Variants in RRBP1 observed in about 807,000 individuals in gnomAD.
RRBP1 encodes ribosome binding protein 1, also known as ribosome-binding protein 1.
A neutral mutation model predicts 165.2 loss-of-function variants in RRBP1; 94 were observed. The observed-to-expected ratio is 0.57, with a 90% CI of 0.48 to 0.68. The LOEUF is 0.68. Ranked by LOEUF, RRBP1 falls within the 30% of genes least tolerant of loss-of-function variation. RRBP1 has a pLI of 0.00. For missense variants in RRBP1, 1,676 were observed against 1,763.0 expected, an observed-to-expected ratio of 0.95 and a Z score of 0.88; for synonymous variants, 680 against 714.5, an observed-to-expected ratio of 0.95 and a Z score of 0.77.
chr20:17,676,100 C>G (rs1285611668), intron 2 of RRBP1, among the ~76,000 whole-genome samples: 1 of 152,074 alleles, frequency 6.6e-6, no homozygotes, highest in Non-Finnish European at 1.5e-5. Flanking sequence ...TACCAGCTAC[C>G]CAGGAGGCTG....
chr20:17,635,081 T>C (rs2036223228), intron 7 of RRBP1, among the ~76,000 whole-genome samples: 1 of 151,978 alleles, frequency 6.6e-6, no homozygotes, highest in Non-Finnish European at 1.5e-5. Flanking sequence ...GACACTGCAG[T>C]GGGTTTCTCG....
intron 15 of RRBP1, 51 bp downstream of exon 15, chr20:17,621,639 C>A: frequency 6.2e-7 from 1 of 1,601,218 alleles, no homozygotes; most frequent in South Asian, 1.1e-5. Flanking sequence ...GCCCCTCTTC[C>A]TGGGGACAGG....
chr20:17,675,798 C>T (rs1051102514), intron 2 of RRBP1, among the ~76,000 whole-genome samples: 3 of 152,130 alleles, frequency 2.0e-5, no homozygotes, highest in Non-Finnish European at 2.9e-5. Flanking sequence ...GAGACCTTGA[C>T]CAAGGAGGGT....
intron 7 of RRBP1, 30 bp downstream of exon 7, chr20:17,635,516 G>A (rs1469187011): frequency 2.0e-6 from 3 of 1,522,624 alleles, no homozygotes; most frequent in Non-Finnish European, 2.7e-6. Flanking sequence ...GGCCCTTGGG[G>A]AGGTGCTGAG....
At chr20:17,626,587 C>T (rs1249381355) in intron 11 of RRBP1, among the ~76,000 whole-genome samples, 6 of 152,144 alleles carry the variant, frequency 3.9e-5, no homozygotes, top group South Asian at 2.1e-4. Flanking sequence ...TGACCGTGTG[C>T]GAGGGAATGC....
chr20:17,659,125 C>G lies in RRBP1; in HGVS notation c.1383G>C (p.Lys461Asn), dbSNP rs749602135. ...TGCCCTGGTTCTGAGCACCCTCGGC[C>G]TTCTTGCCCTGGTTCTGGGCCCCCT... ...KAEGAQNQGK[K>N]AEGAQNQGKK... Residue 461 changes from lysine to asparagine, a missense_variant, in exon 3 of 25, where the codon AAG becomes AAC. Physicochemically the swap from Lys to Asn is moderately conservative, Grantham distance 94. Around this residue, in one of 5 missense-constraint regions of RRBP1, gnomAD observed 18 missense variants for 38.8 expected, o/e 0.46. Coordinates refer to ENST00000377813, the MANE Select transcript of RRBP1 (RefSeq NM_001365613.2). 9 of 1,548,402 alleles carry G rather than the reference C, an allele frequency of 5.8e-6. No homozygotes were observed. Among genetic ancestry groups the G allele is most frequent in the African/African-American group, 1.4e-5 (1 of 72,538 alleles).
At chr20:17,663,890 T>C (rs950997799) in intron 2 of RRBP1, among the ~76,000 whole-genome samples, 16 of 152,210 alleles carry the variant, frequency 1.1e-4, no homozygotes, top group Admixed American at 1.3e-4. Context: ...CAGGGATCTA[T>C]ATTCTGTCAA....
chr20:17,679,431 T>C (rs1316047464), intron 2 of RRBP1, among the ~76,000 whole-genome samples: 1 of 152,228 alleles, frequency 6.6e-6, no homozygotes, highest in East Asian at 1.9e-4. Context: ...ACCATTATTT[T>C]TGTTTCTCCT....
At position 17,631,505 on chromosome 20, in the gene RRBP1, G is replaced by A. The variant is rs56721050; in HGVS notation, c.2611-1544C>T. ...ACGGGCCTCCATCTTAAGACCTCAG[G>A]TGACAACTGTCTTTGCCTTGAAGAG... On this transcript the variant is annotated intron_variant, in intron 8 of 24. Transcript: ENST00000377813. Among the ~76,000 whole-genome samples, 358 of 152,364 alleles carry A rather than the reference G, an allele frequency of 2.3e-3. 1 individual carries two copies. Among genetic ancestry groups the A allele is most frequent in the African/African-American group, 7.8e-3 (326 of 41,588 alleles).
At chr20:17,679,052 A>G (rs534621698) in intron 2 of RRBP1, among the ~76,000 whole-genome samples, 1 of 152,174 alleles carries the variant, frequency 6.6e-6, no homozygotes, top group Non-Finnish European at 1.5e-5. Flanking sequence ...GAACATTTGG[A>G]AGGCCGGGCC....
Position 17,641,829 on chromosome 20 carries a change from C to T in RRBP1, c.2152G>A (p.Val718Ile). The T allele has an allele frequency of 6.2e-7, 1 of 1,613,782 alleles. No homozygotes were observed. Among genetic ancestry groups the T allele is most frequent in the Non-Finnish European group, 8.5e-7 (1 of 1,180,018 alleles). ...AGCTCCCTCAGTTTGCTCTTGGCGA[C>T]AGCCGCATCTTCCTGTTCTGTGGCC... ...LLATEQEDAA[V>I]AKSKLRELNK... is the part of the protein sequence containing the mutation. Residue 718 changes from valine to isoleucine, a missense_variant, in exon 5 of 25, where the codon GTC (valine) becomes ATC (isoleucine). Val to Ile is a conservative substitution (Grantham distance 29). Coordinates refer to ENST00000377813, the MANE Select transcript of RRBP1 (RefSeq NM_001365613.2).
intron 3 of RRBP1, among the ~76,000 whole-genome samples, chr20:17,649,692 G>C (rs1383757854): frequency 1.3e-5 from 2 of 152,092 alleles, no homozygotes; most frequent in Admixed American, 1.3e-4. Context: ...CGTTTCCTGG[G>C]GGCTTGACAA....
rs756978001 is a variant in RRBP1, at chr20:17,643,095, G to A, written c.1945C>T (p.Pro649Ser). 1 of 1,614,106 alleles carries A rather than the reference G, an allele frequency of 6.2e-7. No individual in the cohort carries two copies. The highest frequency in any genetic ancestry group is 8.5e-7 in the Non-Finnish European group (1 of 1,180,020). Reference sequence around the variant, plus strand: ...ACCGTGGAGACCAGCGTCTTGTAGGGGAGGTAGAGAGGGCCGTCGGCATCT... The same window carrying A: ...ACCGTGGAGACCAGCGTCTTGTAGGAGAGGTAGAGAGGGCCGTCGGCATCT... ...PPDADGPLYLPYKTLVSTVGS... is the reference protein window; with the variant it reads ...PPDADGPLYLSYKTLVSTVGS... The change falls in exon 4 of 25, where the codon CCC becomes TCC. Residue 649 changes from proline to serine, a missense_variant. Coordinates refer to ENST00000377813, the MANE Select transcript of RRBP1 (RefSeq NM_001365613.2). This position sits in a 1 kb window ranked among gnomAD's most constrained non-coding sequence, Gnocchi z 4.3.
chr20:17,636,455 C>A (rs1196615579), intron 6 of RRBP1, 122 bp downstream of exon 6: 7 of 1,205,182 alleles, frequency 5.8e-6, no homozygotes, highest in Non-Finnish European at 8.2e-6. Context: ...ACCTTACAGA[C>A]CCCTGTGGGC....
chr20:17,628,802 G>C (rs79801164), intron 9 of RRBP1, among the ~76,000 whole-genome samples: 3,452 of 152,336 alleles, frequency 0.023, 137 homozygotes, highest in African/African-American at 0.078. Flanking sequence ...TCTGGAGCAG[G>C]GGCCGGGAAG....
chr20:17,675,222 C>G (rs2037055711), intron 2 of RRBP1, among the ~76,000 whole-genome samples: 1 of 152,356 alleles, frequency 6.6e-6, no homozygotes, highest in South Asian at 2.1e-4. Flanking sequence ...TGGAGGCAGG[C>G]TGGAGGTAAT....
Position 17,660,374 on chromosome 20 carries a change from TGGTTG to T in RRBP1, c.129_133del (p.Asn44AlafsTer35). ...GTGAGTTTTCGCCATCTCCTTGCGC[TGGTTG>T]GCTAGGGCTTCTTCATATGACGTTT... On this transcript the variant is annotated frameshift_variant, in exon 3 of 25. Transcript: ENST00000377813. LOFTEE classifies it high-confidence loss of function. The T allele has an allele frequency of 6.2e-7, 1 of 1,614,176 alleles. No individual in the cohort carries two copies. The highest frequency in any genetic ancestry group is 8.5e-7 in the Non-Finnish European group (1 of 1,180,012).
intron 8 of RRBP1, among the ~76,000 whole-genome samples, chr20:17,630,996 T>TCA (rs1045381878): frequency 7.2e-4 from 109 of 152,342 alleles, no homozygotes; most frequent in African/African-American, 2.5e-3. Context: ...AGTGAAGCCA[T>TCA]CACCAAGGAG....
In RRBP1 at chr20:17,639,894, C is replaced by T. The variant is rs1052625612; in HGVS notation, c.2184+1903G>A. Among the ~76,000 whole-genome samples the T allele has an allele frequency of 1.2e-4, 12 of 98,766 alleles. No homozygotes were observed. The East Asian group carries it at 2.1e-3, about 18-fold the overall frequency. 64.8% of individuals were successfully genotyped at this position (98,766 alleles called of 152,430 possible). On this transcript the variant is annotated intron_variant, in intron 5 of 24. Coordinates refer to ENST00000377813, the MANE Select transcript of RRBP1 (RefSeq NM_001365613.2). ...GGCAATAACAGTGAAACTCCAGTCT[C>T]AAAAAAAAAAAAAAAAAAAAGAATA...
Sources: allele counts gnomAD v4.1 joint callset (sites outside exome capture counted in the v4.1 genomes callset), GRCh38; gene constraint gnomAD v4.1.1; regional missense constraint gnomAD v4.1.1; non-coding constraint Gnocchi (gnomAD v3.1); transcripts MANE v1.5; gene names NCBI Gene and HGNC (gene_info 2026-07-23, HGNC 2026-07-21).